Variants in FDFT1 observed in about 807,000 individuals in gnomAD.
FDFT1 encodes farnesyl-diphosphate farnesyltransferase 1, also known as squalene synthase.
In FDFT1, 68 loss-of-function variants were observed where a neutral mutation model predicts 46.8. The ratio of observed to expected loss-of-function variants is 1.45; its 90% CI spans 1.19 to 1.78. FDFT1 has a LOEUF of 1.78. Among genes scored for constraint, FDFT1 ranks in the 40% most tolerant of loss-of-function variants. The probability of loss-of-function intolerance (pLI) is 0.00; values close to 1 mark genes in which losing one functional copy is unlikely to be tolerated. For synonymous variants in FDFT1, 351 were observed against 185.1 expected, an observed-to-expected ratio of 1.90 and a Z score of -7.28; for missense variants, 928 against 524.4, an observed-to-expected ratio of 1.77 and a Z score of -7.52.
intron 4 of FDFT1, among the ~76,000 whole-genome samples, chr8:11,822,233 C>G (rs1413307916): frequency 1.3e-5 from 2 of 152,198 alleles, no homozygotes; most frequent in Admixed American, 1.3e-4. Context: ...CTCATCACTT[C>G]TGTGGAAGTA....
Position 11,808,936 on chromosome 8 carries a change from C to T in FDFT1, c.197+45C>T, listed in dbSNP as rs746304068. ...CCTCTGGCTTGGAGGAAAGCTTGTC[C>T]GGGACCTTTGAGTGTGTTGGAAGCT... On this transcript the variant is annotated intron_variant, in intron 2 of 7. Coordinates refer to ENST00000220584, the MANE Select transcript of FDFT1 (RefSeq NM_004462.5). 23 of 1,595,458 alleles carry T rather than the reference C, an allele frequency of 1.4e-5. No individual in the cohort carries two copies. In the South Asian group the frequency reaches 1.7e-4, roughly 12 times the overall value.
intron 7 of FDFT1, among the ~76,000 whole-genome samples, chr8:11,835,466 A>G (rs1457637216): frequency 6.6e-6 from 1 of 152,174 alleles, no homozygotes; most frequent in Non-Finnish European, 1.5e-5. Context: ...CACTAATTGT[A>G]TTACCGGGGA....
chr8:11,802,535 C>T (rs996655123), upstream of FDFT1: 3 of 555,682 alleles, frequency 5.4e-6, no homozygotes, highest in African/African-American at 3.7e-5. Context: ...CTCCAATGAG[C>T]TTCTAGAGTG....
chr8:11,797,191 G>C (rs146782382), intron 1 of FDFT1, among the ~76,000 whole-genome samples: 1 of 152,124 alleles, frequency 6.6e-6, no homozygotes, highest in Non-Finnish European at 1.5e-5. Context: ...TCCTCAATTT[G>C]GTCGGCTGTC....
intron 7 of FDFT1, among the ~76,000 whole-genome samples, chr8:11,835,733 G>T (rs1216652953): frequency 2.0e-5 from 3 of 152,140 alleles, no homozygotes; most frequent in Admixed American, 6.5e-5. Context: ...AGGAGCCACA[G>T]AATTAACCCA....
At chr8:11,816,073 G>C (rs564478158) in intron 3 of FDFT1, among the ~76,000 whole-genome samples, 1 of 152,180 alleles carries the variant, frequency 6.6e-6, no homozygotes, top group East Asian at 1.9e-4. Context: ...TCCAGTTTCA[G>C]CTTTCTACAT....
At chr8:11,805,094 T>C (rs958717106) in intron 1 of FDFT1, among the ~76,000 whole-genome samples, 2 of 151,342 alleles carry the variant, frequency 1.3e-5, no homozygotes, top group Non-Finnish European at 2.9e-5. Context: ...TTTTAAATTT[T>C]TTTGTAGACA....
At chr8:11,798,946 C>G (rs533814794), upstream of FDFT1, among the ~76,000 whole-genome samples, 2 of 152,196 alleles carry the variant, frequency 1.3e-5, no homozygotes, top group African/African-American at 2.4e-5. Context: ...AGACCACAGA[C>G]GGGCACTTTG....
chr8:11,808,938 G>C, intron 2 of FDFT1, 47 bp downstream of exon 2: 1 of 1,593,374 alleles, frequency 6.3e-7, no homozygotes, highest in Non-Finnish European at 8.5e-7. Flanking sequence ...AGCTTGTCCG[G>C]GACCTTTGAG....
chr8:11,810,120 C>G, intron 3 of FDFT1: 1 of 411,166 alleles, frequency 2.4e-6, no homozygotes, highest in Non-Finnish European at 4.3e-6. Flanking sequence ...ATAATAACAC[C>G]TACCTCATGG....
Position 11,826,229 on chromosome 8 carries a change from G to A in FDFT1, c.702+14G>A, listed in dbSNP as rs1563330207. On this transcript the variant is annotated intron_variant, in intron 5 of 7. Transcript: ENST00000220584. Reference sequence around the variant, plus strand: ...TGGCCTCAAGAGGTAACAGATTCAGGGTATTTTGGGGGAAAATAACTTTAG... The same window carrying A: ...TGGCCTCAAGAGGTAACAGATTCAGAGTATTTTGGGGGAAAATAACTTTAG... 2.7e-6 allele frequency: 4 copies of A among 1,485,626 alleles called. No homozygotes were observed. Among genetic ancestry groups the A allele is most frequent in the Non-Finnish European group, 3.6e-6 (4 of 1,100,560 alleles). 92.0% of individuals were successfully genotyped at this position (1,485,626 alleles called of 1,614,324 possible). A position where few individuals can be genotyped will look rare whatever the true frequency, so the allele number is the denominator to read the frequency against.
upstream of FDFT1, chr8:11,801,990 G>A (rs771502715): frequency 2.2e-5 from 10 of 455,828 alleles, no homozygotes; most frequent in Non-Finnish European, 4.4e-5. Context: ...CGCCTGGACG[G>A]GTAGCCAGTA....
At chr8:11,830,222 C>T (rs1376077443) in intron 5 of FDFT1, 22 bp from the exon 6 acceptor site, 2 of 1,601,858 alleles carry the variant, frequency 1.2e-6, no homozygotes, top group South Asian at 1.1e-5. Context: ...TGACCTGTTC[C>T]TTAATCTTCT....
chr8:11,808,843 C>G lies in FDFT1; in HGVS notation c.149C>G (p.Thr50Ser), dbSNP rs1563301671. The G allele has an allele frequency of 3.1e-6, 5 of 1,614,052 alleles. No individual in the cohort carries two copies. The East Asian group carries it at 6.7e-5, about 22-fold the overall frequency. ...LKTCYKYLNQ[T>S]SRSFAAVIQA... is the part of the protein sequence containing the mutation. Reference sequence around the variant, plus strand: ...ACTTGCTACAAGTATCTCAATCAGACCAGTCGCAGTTTCGCAGCTGTTATC... The same window carrying G: ...ACTTGCTACAAGTATCTCAATCAGAGCAGTCGCAGTTTCGCAGCTGTTATC... The change falls in exon 2 of 8, where the codon ACC becomes AGC. Residue 50 changes from threonine (T) to serine (S), a missense_variant. By Grantham distance (58) the Thr-to-Ser change is moderately conservative. Transcript: ENST00000220584.
intron 3 of FDFT1, among the ~76,000 whole-genome samples, chr8:11,813,956 C>T (rs565562315): frequency 2.0e-5 from 3 of 152,148 alleles, no homozygotes; most frequent in African/African-American, 7.2e-5. Context: ...GTCACTTTCT[C>T]CTGTATATTT....
chr8:11,821,941 G>C (rs994662717), intron 4 of FDFT1, 63 bp downstream of exon 4: 5 of 1,575,846 alleles, frequency 3.2e-6, no homozygotes, highest in Non-Finnish European at 3.5e-6. Context: ...TCCTCATAGT[G>C]AAGCTCAGAA....
intron 3 of FDFT1, among the ~76,000 whole-genome samples, chr8:11,821,015 C>G (rs1809165442): frequency 1.3e-5 from 2 of 152,182 alleles, no homozygotes; most frequent in Admixed American, 1.3e-4. Flanking sequence ...AACTCTGGGT[C>G]TGAGTTTCTG....
At chr8:11,803,332 A>T (rs1012916234) in intron 1 of FDFT1, 1 of 1,293,736 alleles carries the variant, frequency 7.7e-7, no homozygotes, top group South Asian at 1.2e-5. Flanking sequence ...ATAACATCAC[A>T]TGAAGGCCGT....
Position 11,838,490 on chromosome 8 carries a change from C to T in FDFT1, c.1135C>T (p.Arg379Ter), listed in dbSNP as rs559977336. 1.2e-6 allele frequency: 2 copies of T among 1,605,592 alleles called. No individual in the cohort carries two copies. Among genetic ancestry groups the T allele is most frequent in the Non-Finnish European group, 1.7e-6 (2 of 1,174,764 alleles). ...QNLPNCQLISRSHYSPIYLSF... is the reference protein window; with the variant it reads ...QNLPNCQLIS ...TCTTCCCAACTGTCAGCTGATTTCC[C>T]GAAGCCACTACTCCCCCATCTACCT... The change falls in exon 8 of 8, where the codon CGA becomes TGA. Residue 379 changes from arginine to a stop codon, truncating the protein, a stop_gained. Transcript: ENST00000220584. LOFTEE classifies it high-confidence loss of function.
Sources: allele counts gnomAD v4.1 joint callset (sites outside exome capture counted in the v4.1 genomes callset), GRCh38; gene constraint gnomAD v4.1.1; transcripts MANE v1.5; gene names NCBI Gene and HGNC (gene_info 2026-07-23, HGNC 2026-07-21).